The following LPP variants were observed in gnomAD, a reference collection of about 807,000 sequenced individuals.
LPP encodes the protein lipoma-preferred partner.
LPP carries 38 observed loss-of-function variants against 60.4 expected under a neutral mutation model. The ratio of observed to expected loss-of-function variants is 0.63; its 90% CI spans 0.49 to 0.83. The LOEUF is 0.83. Ranked by LOEUF, LPP falls within the 40% of genes least tolerant of loss-of-function variation. LPP has a pLI of 0.00. For missense variants in LPP, 902 were observed against 783.6 expected, an observed-to-expected ratio of 1.15 and a Z score of -1.80; for synonymous variants, 328 against 290.8, an observed-to-expected ratio of 1.13 and a Z score of -1.30.
intron 10 of LPP, among the ~76,000 whole-genome samples, chr3:188,871,209 A>T (rs559134175): frequency 1.2e-4 from 19 of 152,206 alleles, no homozygotes; most frequent in Non-Finnish European, 2.1e-4. Flanking sequence ...TTCTGCTCCC[A>T]CAGAGTTTGG....
chr3:188,332,621 G>A (rs1338220463), intron 2 of LPP, among the ~76,000 whole-genome samples: 5 of 152,156 alleles, frequency 3.3e-5, no homozygotes, highest in Admixed American at 1.3e-4. Flanking sequence ...TAGACAAAGA[G>A]CCTCTATTCA....
intron 8 of LPP, chr3:188,746,621 G>A (rs911320254): frequency 1.5e-5 from 7 of 458,448 alleles, no homozygotes; most frequent in African/African-American, 8.0e-5. Context: ...GCAAGAAACC[G>A]TTACTGAGCG....
At chr3:188,490,405 CT>C (rs764935543) in intron 5 of LPP, among the ~76,000 whole-genome samples, 2 of 151,178 alleles carry the variant, frequency 1.3e-5, no homozygotes, top group Non-Finnish European at 1.5e-5. Flanking sequence ...AATCTTTTTT[CT>C]TTTTTTTTGA....
intron 8 of LPP, among the ~76,000 whole-genome samples, chr3:188,714,393 G>T (rs1398495871): frequency 6.6e-6 from 1 of 152,148 alleles, no homozygotes; most frequent in Admixed American, 6.5e-5. Context: ...TGAATTAACT[G>T]CTGTGACATG....
intron 4 of LPP, among the ~76,000 whole-genome samples, chr3:188,474,630 A>G (rs1802719751): frequency 6.6e-6 from 1 of 152,172 alleles, no homozygotes; most frequent in African/African-American, 2.4e-5. Context: ...CAGCACTCTG[A>G]TATTTGTTTG....
At chr3:188,741,656 G>A (rs962772747) in intron 8 of LPP, among the ~76,000 whole-genome samples, 1 of 150,482 alleles carries the variant, frequency 6.6e-6, no homozygotes, top group Admixed American at 6.6e-5. Context: ...ACATATTATG[G>A]AACAAATAAA....
chr3:188,707,330 T>G (rs888211219), intron 7 of LPP, among the ~76,000 whole-genome samples: 1 of 152,154 alleles, frequency 6.6e-6, no homozygotes, highest in Non-Finnish European at 1.5e-5. Context: ...TGGCCCTGCA[T>G]GTCCCATATG....
intron 9 of LPP, among the ~76,000 whole-genome samples, chr3:188,776,526 A>G (rs551766059): frequency 6.6e-5 from 10 of 152,350 alleles, no homozygotes; most frequent in African/African-American, 2.2e-4. Context: ...TCACAAAAGT[A>G]TCAAATAGTC....
chr3:188,668,142 C>T (rs779554616), intron 7 of LPP, among the ~76,000 whole-genome samples: 7 of 151,106 alleles, frequency 4.6e-5, no homozygotes, highest in East Asian at 3.9e-4. Flanking sequence ...TTTTGGAATC[C>T]GGAGTTTAAG....
chr3:188,874,109 T>A (rs1048086712), intron 11 of LPP, among the ~76,000 whole-genome samples: 1 of 152,110 alleles, frequency 6.6e-6, no homozygotes, highest in Non-Finnish European at 1.5e-5. Flanking sequence ...CAAGTGAGCT[T>A]AGGAGGATTA....
chr3:188,645,133 C>G (rs1218727913), intron 7 of LPP, among the ~76,000 whole-genome samples: 2 of 152,146 alleles, frequency 1.3e-5, no homozygotes, highest in Non-Finnish European at 2.9e-5. Context: ...GTTGTAATTA[C>G]TATTTCCAGT....
At chr3:188,327,637 T>C (rs1389572552) in intron 2 of LPP, among the ~76,000 whole-genome samples, 1 of 152,160 alleles carries the variant, frequency 6.6e-6, no homozygotes, top group Non-Finnish European at 1.5e-5. Context: ...TGGCCTCTTG[T>C]ATGGTGACAT....
At chr3:188,215,668 C>G (rs201842604) in intron 1 of LPP, among the ~76,000 whole-genome samples, 1 of 152,098 alleles carries the variant, frequency 6.6e-6, no homozygotes, top group Non-Finnish European at 1.5e-5. Context: ...TTTTGTCTAT[C>G]CATTTAGGTA....
chr3:188,369,048 G>C (rs1268228280), intron 3 of LPP, among the ~76,000 whole-genome samples: 1 of 152,082 alleles, frequency 6.6e-6, no homozygotes, highest in Admixed American at 6.5e-5. Context: ...ATATTGCCTG[G>C]TTATAAATCA....
intron 7 of LPP, among the ~76,000 whole-genome samples, chr3:188,707,192 A>C (rs748161904): frequency 6.6e-6 from 1 of 151,598 alleles, no homozygotes; most frequent in African/African-American, 2.4e-5. Flanking sequence ...TTTGGGGTAC[A>C]TGTGAGTTTT....
At position 188,877,137 on chromosome 3, in the gene LPP, A is replaced by G. The variant is rs1462805691; in HGVS notation, c.*2658A>G. 1 of 174,062 alleles carries G rather than the reference A, an allele frequency of 5.7e-6. No individual in the cohort carries two copies. Among genetic ancestry groups the G allele is most frequent in the Non-Finnish European group, 1.2e-5 (1 of 80,654 alleles). The allele number at this position is 174,062 out of a possible 1,614,324, so 10.8% of individuals were successfully genotyped here. A position where few individuals can be genotyped will look rare whatever the true frequency, so the allele number is the denominator to read the frequency against. Reference sequence around the variant, plus strand: ...TTTTATTCTAGGGTTTCTTAAATATATGATTTATATTACTGTCTTTTCTAT... The same window carrying G: ...TTTTATTCTAGGGTTTCTTAAATATGTGATTTATATTACTGTCTTTTCTAT... On this transcript the variant is annotated 3_prime_UTR_variant, in exon 12 of 12. Transcript: ENST00000617246.
intron 3 of LPP, among the ~76,000 whole-genome samples, chr3:188,364,376 C>A (rs141392153): frequency 1.4e-3 from 209 of 152,246 alleles, no homozygotes; most frequent in African/African-American, 4.9e-3. Context: ...TACTTGCCTT[C>A]GTTCGTTTTT....
intron 6 of LPP, among the ~76,000 whole-genome samples, chr3:188,569,466 C>T (rs1833007021): frequency 6.6e-6 from 1 of 151,756 alleles, no homozygotes; most frequent in African/African-American, 2.4e-5. Flanking sequence ...TGTAGAATTC[C>T]CCATCAGATT....
rs571185939 is a variant in LPP, at chr3:188,609,396, A to G, written c.665A>G (p.Asn222Ser). The change falls in exon 7 of 12, where the codon AAT becomes AGT. Residue 222 changes from asparagine to serine, a missense_variant. Asn to Ser is a conservative substitution (Grantham distance 46). Transcript: ENST00000617246. This position sits in a 1 kb window ranked among gnomAD's most constrained non-coding sequence, Gnocchi z 6.9. ...TCCACTTCTTCAAGGCCTACCTTTA[A>G]TGTGCAGGTGAAGTCAGCCCAGCCC... ...TASTSSRPTF[N>S]VQVKSAQPSP... is the part of the protein sequence containing the mutation. 1 of 1,614,062 alleles carries G rather than the reference A, an allele frequency of 6.2e-7. No homozygotes were observed. The highest frequency in any genetic ancestry group is 1.1e-5 in the South Asian group (1 of 91,074).
Sources: gnomAD v4.1 joint callset for allele counts (sites outside exome capture counted in the v4.1 genomes callset) on GRCh38, gnomAD v4.1.1 for gene constraint, Gnocchi (gnomAD v3.1) non-coding constraint, MANE v1.5 for transcripts, NCBI Gene and HGNC (gene_info 2026-07-23, HGNC 2026-07-21) for gene names.